The following CUL2 variants were observed in gnomAD, a reference collection of about 807,000 sequenced individuals.
The protein encoded by CUL2 is cullin 2, also known as cullin-2.
Under a neutral mutation model 110.2 loss-of-function variants are expected in CUL2, and 22 were observed. The observed-to-expected ratio is 0.20, with a 90% CI of 0.14 to 0.28. CUL2 has a LOEUF of 0.28. CUL2 is among the 10% of genes least tolerant of loss of function. The pLI is 1.00. For missense variants in CUL2, 631 were observed against 905.5 expected, an observed-to-expected ratio of 0.70 and a Z score of 3.89; for synonymous variants, 279 against 293.2, an observed-to-expected ratio of 0.95 and a Z score of 0.49.
At chr10:35,044,972 A>C (rs1032930619) in intron 6 of CUL2, 104 bp from the exon 7 acceptor site, 11 of 732,224 alleles carry the variant, frequency 1.5e-5, no homozygotes, top group African/African-American at 5.3e-5. Flanking sequence ...TGGTCTAATC[A>C]AAGTGTAAAG....
At chr10:35,087,518 C>T (rs1446081171) in intron 1 of CUL2, among the ~76,000 whole-genome samples, 5 of 152,076 alleles carry the variant, frequency 3.3e-5, no homozygotes, top group Non-Finnish European at 7.4e-5. Flanking sequence ...CAATCACCTA[C>T]TTCTCACCTC....
At chr10:35,016,772 C>T (rs2085043744) in intron 17 of CUL2, among the ~76,000 whole-genome samples, 1 of 151,660 alleles carries the variant, frequency 6.6e-6, no homozygotes, top group Admixed American at 6.6e-5. Context: ...ACTAAAAGTA[C>T]AAAAATTAGC....
chr10:35,072,562 G>T (rs2086708724), intron 1 of CUL2, among the ~76,000 whole-genome samples: 1 of 152,070 alleles, frequency 6.6e-6, no homozygotes, highest in Non-Finnish European at 1.5e-5. Context: ...TAGAGACGGG[G>T]TTTCACCATG....
rs1321849261 is a variant in CUL2, at chr10:35,030,843, C to A, written c.1386+457G>T. ...AGGAGTTAGAGTCCAGCCTGGGCAA[C>A]ATAGTGAGACCCTATCTCTTAAAAA... On this transcript the variant is annotated intron_variant, in intron 14 of 20. Coordinates refer to ENST00000374749, the MANE Select transcript of CUL2 (RefSeq NM_003591.4). Among the ~76,000 whole-genome samples the A allele has an allele frequency of 3.3e-5, 5 of 151,782 alleles. No individual in the cohort carries two copies. The South Asian group carries it at 8.3e-4, about 25-fold the overall frequency.
At chr10:35,017,244 C>T (rs1434964375) in intron 17 of CUL2, among the ~76,000 whole-genome samples, 1 of 152,118 alleles carries the variant, frequency 6.6e-6, no homozygotes, top group East Asian at 1.9e-4. Context: ...CCAGTAACTT[C>T]CTAGAGGCAA....
chr10:35,114,897 A>G (rs2087573750), intron 1 of CUL2, among the ~76,000 whole-genome samples: 1 of 152,184 alleles, frequency 6.6e-6, no homozygotes, highest in South Asian at 2.1e-4. Context: ...TGACGACACC[A>G]ATATAGAAAC....
intron 1 of CUL2, among the ~76,000 whole-genome samples, chr10:35,114,120 C>T (rs1422490821): frequency 3.3e-5 from 5 of 150,546 alleles, no homozygotes; most frequent in East Asian, 2.0e-4. Context: ...GACGGGGTTT[C>T]ACTGTGTTAG....
At chr10:35,027,918 A>G (rs562830135) in intron 16 of CUL2, among the ~76,000 whole-genome samples, 7 of 152,220 alleles carry the variant, frequency 4.6e-5, no homozygotes, top group African/African-American at 9.6e-5. Flanking sequence ...AGAGTTAAAA[A>G]CTATAAATAG....
chr10:35,105,698 ACT>A (rs1361195704), intron 1 of CUL2, among the ~76,000 whole-genome samples: 1 of 149,166 alleles, frequency 6.7e-6, no homozygotes, highest in Admixed American at 6.8e-5. Flanking sequence ...ACAGAGCGAG[ACT>A]CTGTCTCAAA....
In CUL2 at chr10:35,035,264, C is replaced by T. The variant is rs2085591250; in HGVS notation, c.910G>A (p.Val304Met). 6.2e-7 allele frequency: 1 copy of T among 1,614,004 alleles called. No homozygotes were observed. Among genetic ancestry groups the T allele is most frequent in the Admixed American group, 1.7e-5 (1 of 59,998 alleles). The change falls in exon 10 of 21, where the codon GTG becomes ATG. Residue 304 changes from valine to methionine, a missense_variant. Coordinates refer to ENST00000374749, the MANE Select transcript of CUL2 (RefSeq NM_003591.4). ...MANMYVLLRA[V>M]STGLPHMIQE... Reference sequence around the variant, plus strand: ...ATCATATGAGGTAAACCAGTGGACACAGCACGGAGTAAGACGTACATATTT... The same window carrying T: ...ATCATATGAGGTAAACCAGTGGACATAGCACGGAGTAAGACGTACATATTT...
intron 4 of CUL2, among the ~76,000 whole-genome samples, chr10:35,055,889 T>C (rs995082036): frequency 1.3e-5 from 2 of 152,200 alleles, no homozygotes; most frequent in Admixed American, 6.5e-5. Context: ...AAAGAGGGGA[T>C]GGCCTCTCCA....
At chr10:35,039,155 A>G in intron 8 of CUL2, 73 bp from the exon 9 acceptor site, 1 of 939,952 alleles carries the variant, frequency 1.1e-6, no homozygotes, top group Non-Finnish European at 1.5e-6. Context: ...ATCAGCAAGT[A>G]ACTCAGCCAA....
chr10:35,068,248 C>A (rs1316823004), intron 2 of CUL2, among the ~76,000 whole-genome samples: 1 of 151,748 alleles, frequency 6.6e-6, no homozygotes, highest in Non-Finnish European at 1.5e-5. Context: ...ATGGCAAAAC[C>A]CCATTTCTAC....
intron 5 of CUL2, among the ~76,000 whole-genome samples, chr10:35,051,203 T>C (rs974318105): frequency 6.6e-6 from 1 of 151,394 alleles, no homozygotes; most frequent in African/African-American, 2.4e-5. Context: ...TAGTCCCAGC[T>C]ATGCGGGAGG....
chr10:35,122,172 T>C (rs761164504), intron 1 of CUL2, among the ~76,000 whole-genome samples: 2 of 152,218 alleles, frequency 1.3e-5, no homozygotes. Flanking sequence ...TTTGTAAGTC[T>C]CAAATCCTAA....
intron 1 of CUL2, among the ~76,000 whole-genome samples, chr10:35,113,234 T>C (rs2087543489): frequency 6.8e-6 from 1 of 146,268 alleles, no homozygotes; most frequent in Non-Finnish European, 1.5e-5. Context: ...GGTGGCTCAC[T>C]TCTGTAATCC....
intron 5 of CUL2, among the ~76,000 whole-genome samples, chr10:35,053,098 T>A (rs1015537910): frequency 6.6e-6 from 1 of 150,916 alleles, no homozygotes; most frequent in African/African-American, 2.4e-5. Context: ...TCAAAACTGC[T>A]GTGTGTGTGT....
chr10:35,031,665 T>C lies in CUL2; in HGVS notation c.1171-46A>G. On this transcript the variant is annotated intron_variant, in intron 12 of 20. Transcript: ENST00000374749. This position sits in a 1 kb window ranked among gnomAD's most constrained non-coding sequence, Gnocchi z 4.4. ...AAATCTTACAAAGGGTGCTTCTGTA[T>C]ATATCACGCCTCAAAGGAGGCAAAG... The C allele has an allele frequency of 6.2e-7, 1 of 1,604,996 alleles. No homozygotes were observed. The highest frequency in any genetic ancestry group is 2.2e-5 in the East Asian group (1 of 44,754).
intron 17 of CUL2, 81 bp downstream of exon 17, chr10:35,025,051 G>A (rs2085300277): frequency 1.4e-6 from 2 of 1,381,570 alleles, no homozygotes; most frequent in South Asian, 1.9e-5. Flanking sequence ...AACTGTAATT[G>A]GGCCATAGAA....
Sources: gnomAD v4.1 joint callset for allele counts (sites outside exome capture counted in the v4.1 genomes callset) on GRCh38, gnomAD v4.1.1 for gene constraint, Gnocchi (gnomAD v3.1) non-coding constraint, MANE v1.5 for transcripts, NCBI Gene and HGNC (gene_info 2026-07-23, HGNC 2026-07-21) for gene names.